COX10: variants seen among roughly 807,000 people sequenced by gnomAD.
The protein encoded by COX10 is cytochrome c oxidase assembly factor heme A:farnesyltransferase COX10.
A neutral mutation model predicts 37.3 loss-of-function variants in COX10; 27 were observed. The ratio of observed to expected loss-of-function variants is 0.72; its 90% CI spans 0.53 to 1.00. The LOEUF (loss-of-function observed/expected upper bound fraction) is 1.00. Ranked by LOEUF, COX10 falls within the 50% of genes least tolerant of loss-of-function variation. COX10 has a pLI of 0.00. For missense variants in COX10, 475 were observed against 563.2 expected, an observed-to-expected ratio of 0.84 and a Z score of 1.59; for synonymous variants, 222 against 229.1, an observed-to-expected ratio of 0.97 and a Z score of 0.28.
At chr17:14,104,403 C>G (rs1915847694) in intron 4 of COX10, among the ~76,000 whole-genome samples, 1 of 151,962 alleles carries the variant, frequency 6.6e-6, no homozygotes, top group Non-Finnish European at 1.5e-5. Context: ...ATAGGGTAAG[C>G]AGAACAAAGA....
chr17:14,086,821 G>A (rs115889427), intron 3 of COX10, among the ~76,000 whole-genome samples: 3 of 151,782 alleles, frequency 2.0e-5, no homozygotes, highest in Non-Finnish European at 4.4e-5. Flanking sequence ...TCTTTTTTTA[G>A]AGATTGATAG....
chr17:14,195,110 A>G (rs539697163), intron 6 of COX10, among the ~76,000 whole-genome samples: 10 of 152,384 alleles, frequency 6.6e-5, no homozygotes, highest in African/African-American at 2.2e-4. Context: ...TCAAGATTAT[A>G]CAGAAAGAAT....
intron 5 of COX10, among the ~76,000 whole-genome samples, chr17:14,174,363 G>A (rs1175331667): frequency 1.3e-5 from 2 of 151,358 alleles, no homozygotes; most frequent in East Asian, 1.9e-4. Context: ...GGAGGCTGAG[G>A]AGGGAGGATC....
intron 4 of COX10, among the ~76,000 whole-genome samples, chr17:14,147,702 T>C (rs1904764971): frequency 6.7e-6 from 1 of 148,644 alleles, no homozygotes; most frequent in African/African-American, 2.6e-5. Context: ...TTTTCCATGA[T>C]GTGACTATTA....
rs558129647 is a variant in COX10 at position 14,165,323 on chromosome 17, A to G, written c.695+5376A>G. 6.4e-4 allele frequency among the ~76,000 whole-genome samples: 98 copies of G among 152,266 alleles called. 1 individual carries two copies. Among genetic ancestry groups the G allele is most frequent in the Non-Finnish European group, 9.3e-4 (63 of 68,014 alleles). On this transcript the variant is annotated intron_variant, in intron 5 of 6. Coordinates refer to ENST00000261643, the MANE Select transcript of COX10 (RefSeq NM_001303.4). The stretch of plus-strand genomic sequence containing the variant: ...TTGGTGCAGATTTTTGCAGCAGCAT[A>G]TGGTCACTTTGTGTCTCTGTGTCAC...
chr17:14,111,110 T>C (rs1224832144), intron 4 of COX10, among the ~76,000 whole-genome samples: 1 of 152,172 alleles, frequency 6.6e-6, no homozygotes, highest in Admixed American at 6.6e-5. Flanking sequence ...GTAATAGAGC[T>C]CCAGACTGCT....
chr17:14,093,548 G>A (rs1915575037), intron 3 of COX10, among the ~76,000 whole-genome samples: 1 of 152,182 alleles, frequency 6.6e-6, no homozygotes. Context: ...ATACTGTGAG[G>A]TTAGAACTAG....
At chr17:14,116,457 G>A (rs762489794) in intron 4 of COX10, among the ~76,000 whole-genome samples, 5 of 152,036 alleles carry the variant, frequency 3.3e-5, no homozygotes, top group Admixed American at 2.6e-4. Context: ...TTAGACTTAC[G>A]CAGGACACCA....
intron 5 of COX10, among the ~76,000 whole-genome samples, chr17:14,178,846 C>T (rs573163054): frequency 3.3e-5 from 5 of 152,092 alleles, no homozygotes; most frequent in Admixed American, 6.6e-5. Flanking sequence ...CAGCTTGGGC[C>T]TGATAGTTCC....
chr17:14,096,928 T>TA (rs1915665909), intron 3 of COX10, among the ~76,000 whole-genome samples: 1 of 152,058 alleles, frequency 6.6e-6, no homozygotes, highest in Admixed American at 6.6e-5. Context: ...TTGGGAATAT[T>TA]ACTCTCCCAT....
intron 4 of COX10, among the ~76,000 whole-genome samples, chr17:14,126,825 G>C (rs1384765317): frequency 6.6e-6 from 1 of 151,370 alleles, no homozygotes; most frequent in African/African-American, 2.4e-5. Context: ...CTCTTTTTTT[G>C]CTTTATATAA....
At chr17:14,117,356 A>T (rs1916136027) in intron 4 of COX10, among the ~76,000 whole-genome samples, 2 of 152,288 alleles carry the variant, frequency 1.3e-5, no homozygotes, top group South Asian at 2.1e-4. Flanking sequence ...GGTGGATTTT[A>T]AAAAAATGTG....
chr17:14,074,503 T>A, intron 2 of COX10, 47 bp downstream of exon 2: 1 of 1,568,530 alleles, frequency 6.4e-7, no homozygotes, highest in Non-Finnish European at 8.8e-7. Flanking sequence ...TGCCTTTTTC[T>A]CTGTTGAGAG....
intron 5 of COX10, chr17:14,177,022 A>C (rs1266032016): frequency 3.9e-5 from 15 of 382,900 alleles, no homozygotes; most frequent in South Asian, 1.3e-4. Context: ...TTAATGAGAA[A>C]AAAATCAATG....
At chr17:14,139,696 T>C (rs1157030018) in intron 4 of COX10, among the ~76,000 whole-genome samples, 1 of 152,148 alleles carries the variant, frequency 6.6e-6, no homozygotes, top group African/African-American at 2.4e-5. Context: ...CAGGTGGGCA[T>C]ATTTGAAGCC....
intron 4 of COX10, among the ~76,000 whole-genome samples, chr17:14,112,571 T>G (rs1916026413): frequency 6.6e-6 from 1 of 152,138 alleles, no homozygotes; most frequent in South Asian, 2.1e-4. Context: ...ATAAGTGCAA[T>G]AAAACAATAA....
chr17:14,143,117 C>T (rs1904594746), intron 4 of COX10, among the ~76,000 whole-genome samples: 1 of 152,178 alleles, frequency 6.6e-6, no homozygotes, highest in Admixed American at 6.6e-5. Flanking sequence ...TTGTAAAAAG[C>T]TGTCAGGAGT....
At chr17:14,156,951 T>A (rs1905053743) in intron 4 of COX10, among the ~76,000 whole-genome samples, 1 of 152,202 alleles carries the variant, frequency 6.6e-6, no homozygotes, top group African/African-American at 2.4e-5. Context: ...CTATGCTTTG[T>A]GGGCTATGTG....
At chr17:14,194,229 G>T (rs939039955) in intron 6 of COX10, among the ~76,000 whole-genome samples, 13 of 151,842 alleles carry the variant, frequency 8.6e-5, no homozygotes, top group Admixed American at 4.6e-4. Context: ...CTTGCTGAGG[G>T]CTAGAGGCCC....
Sources: allele counts gnomAD v4.1 joint callset (sites outside exome capture counted in the v4.1 genomes callset), GRCh38; gene constraint gnomAD v4.1.1; transcripts MANE v1.5; gene names NCBI Gene and HGNC (gene_info 2026-07-23, HGNC 2026-07-21).